The following SCYL2 variants were observed in gnomAD, a reference collection of about 807,000 sequenced individuals.
SCYL2 encodes SCY1-like protein 2.
Under a neutral mutation model 100.4 loss-of-function variants are expected in SCYL2, and 36 were observed. That is an observed-to-expected ratio of 0.36 (90% CI 0.27 to 0.47). The LOEUF is 0.47. Among genes scored for constraint, SCYL2 ranks in the 20% least tolerant of loss-of-function variants. The pLI, the probability that SCYL2 is intolerant of heterozygous loss-of-function variation, is 1.00. For missense variants in SCYL2, 902 were observed against 1,083.9 expected, an observed-to-expected ratio of 0.83 and a Z score of 2.36; for synonymous variants, 330 against 359.2, an observed-to-expected ratio of 0.92 and a Z score of 0.92.
intron 2 of SCYL2, among the ~76,000 whole-genome samples, chr12:100,290,771 CAT>C (rs1487727599): frequency 6.6e-6 from 1 of 152,092 alleles, no homozygotes; most frequent in African/African-American, 2.4e-5. Flanking sequence ...CAAGAACACA[CAT>C]CAGTAATTTA....
intron 7 of SCYL2, among the ~76,000 whole-genome samples, chr12:100,313,965 C>T (rs1036349475): frequency 2.3e-4 from 35 of 151,714 alleles, no homozygotes; most frequent in African/African-American, 8.2e-4. Flanking sequence ...AATGCAACCT[C>T]CACCTCCCAG....
intron 6 of SCYL2, among the ~76,000 whole-genome samples, 177 bp from the exon 7 acceptor site, chr12:100,313,243 AAC>A (rs1202564913): frequency 6.6e-6 from 1 of 152,224 alleles, no homozygotes. Context: ...TAGGAATAGA[AAC>A]AATTTTGGGT....
chr12:100,293,625 C>A (rs828930), intron 3 of SCYL2, among the ~76,000 whole-genome samples: 149,527 of 151,562 alleles, frequency 0.99, 73,768 homozygotes, highest in Middle Eastern at 1. Flanking sequence ...AGGTCAGCAG[C>A]TAAACAAGTG....
At chr12:100,311,995 A>T (rs1407730631) in intron 5 of SCYL2, among the ~76,000 whole-genome samples, 18 of 152,236 alleles carry the variant, frequency 1.2e-4, no homozygotes, top group Admixed American at 1.2e-3. Context: ...ATATATCATG[A>T]GTGGGTCAGA....
At chr12:100,329,850 T>G (rs1208050658) in intron 13 of SCYL2, among the ~76,000 whole-genome samples, 1 of 152,224 alleles carries the variant, frequency 6.6e-6, no homozygotes, top group Non-Finnish European at 1.5e-5. Flanking sequence ...CAGTTGCTTT[T>G]GGGCTGTTGT....
intron 4 of SCYL2, among the ~76,000 whole-genome samples, chr12:100,304,200 G>C (rs1041570998): frequency 2.6e-5 from 4 of 152,140 alleles, no homozygotes; most frequent in African/African-American, 9.7e-5. Context: ...GGCTCCTTGG[G>C]GGTGGGATCT....
intron 11 of SCYL2, 126 bp from the exon 12 acceptor site, chr12:100,326,496 G>A (rs2096361970): frequency 1.6e-6 from 1 of 637,978 alleles, no homozygotes; most frequent in Non-Finnish European, 2.5e-6. Context: ...AAGGATGAGA[G>A]CTTCTAAATC....
At chr12:100,336,559 A>G (rs1952279576) in intron 16 of SCYL2, among the ~76,000 whole-genome samples, 1 of 152,080 alleles carries the variant, frequency 6.6e-6, no homozygotes, top group South Asian at 2.1e-4. Context: ...GTGATGATGT[A>G]CCCTTCTTGG....
At chr12:100,279,108 C>T (rs186181617) in intron 1 of SCYL2, among the ~76,000 whole-genome samples, 2 of 152,036 alleles carry the variant, frequency 1.3e-5, no homozygotes, top group African/African-American at 4.8e-5. Flanking sequence ...AGCAGCAGTC[C>T]CCAACCTTTT....
Position 100,329,153 on chromosome 12 carries a change from G to C in SCYL2, c.1643-48G>C, listed in dbSNP as rs146112117. Reference sequence around the variant, plus strand: ...CATATATTATTTTCATGATTTCTATGAATTTATGGTGTTAACTTATAAAAT... The same window carrying C: ...CATATATTATTTTCATGATTTCTATCAATTTATGGTGTTAACTTATAAAAT... On this transcript the variant is annotated intron_variant, in intron 12 of 17. Transcript: ENST00000360820. 3.9e-4 allele frequency: 344 copies of C among 887,636 alleles called. 3 individuals carry two copies. In the East Asian group the frequency reaches 6.7e-3, roughly 17 times the overall value. The allele number at this position is 887,636 out of a possible 1,614,324, so 55.0% of individuals were successfully genotyped here.
Position 100,337,397 on chromosome 12 carries a change from C to G in SCYL2, c.2036C>G (p.Thr679Arg). ...LQNKHKRASL[T>R]LEEKQKLAKE... Reference sequence around the variant, plus strand: ...TTATTTTGTTTTAAGGCATCACTTACACTTGAAGAAAAACAAAAATTAGCA... The same window carrying G: ...TTATTTTGTTTTAAGGCATCACTTAGACTTGAAGAAAAACAAAAATTAGCA... The change falls in exon 17 of 18, where the codon ACA becomes AGA. Residue 679 changes from threonine to arginine, a missense_variant. Physicochemically the swap from Thr to Arg is moderately conservative, Grantham distance 71. Coordinates refer to ENST00000360820, the MANE Select transcript of SCYL2 (RefSeq NM_017988.6). The G allele has an allele frequency of 6.2e-7, 1 of 1,603,482 alleles. No homozygotes were observed. Among genetic ancestry groups the G allele is most frequent in the African/African-American group, 1.3e-5 (1 of 74,134 alleles).
rs758115601 is a variant in SCYL2, at chr12:100,338,740, G to T, written c.2358G>T (p.Met786Ile). 1 of 1,614,078 alleles carries T rather than the reference G, an allele frequency of 6.2e-7. No homozygotes were observed. Among genetic ancestry groups the T allele is most frequent in the Non-Finnish European group, 8.5e-7 (1 of 1,179,980 alleles). Reference sequence around the variant, plus strand: ...GCTTTCAGACTTCAGGATTCAACATGCCCGTTAATACAAACCAGAACTTCT... The same window carrying T: ...GCTTTCAGACTTCAGGATTCAACATTCCCGTTAATACAAACCAGAACTTCT... ...NMGFQTSGFN[M>I]PVNTNQNFYS... The change falls in exon 18 of 18, where the codon ATG becomes ATT. Residue 786 changes from methionine to isoleucine, a missense_variant. Physicochemically the swap from Met to Ile is conservative, Grantham distance 10. Coordinates refer to ENST00000360820, the MANE Select transcript of SCYL2 (RefSeq NM_017988.6).
chr12:100,303,358 C>T (rs867654566), intron 4 of SCYL2, among the ~76,000 whole-genome samples: 10 of 152,120 alleles, frequency 6.6e-5, no homozygotes, highest in Admixed American at 2.0e-4. Context: ...AGCCTTTTGG[C>T]ACTGTTTTTT....
intron 2 of SCYL2, among the ~76,000 whole-genome samples, chr12:100,283,472 G>A (rs1424538659): frequency 2.0e-5 from 3 of 152,146 alleles, no homozygotes; most frequent in Non-Finnish European, 4.4e-5. Flanking sequence ...GATAGAAATT[G>A]CCGTGTTTCT....
At position 100,298,280 on chromosome 12, in the gene SCYL2, G is replaced by A. The variant is rs2096323356; in HGVS notation, c.480+105G>A. ...TAAAACTATTTTAGGTAAACTTTTG[G>A]TTCTTGTTAGTAATTTAGTCATTAT... On this transcript the variant is annotated intron_variant, in intron 4 of 17. Transcript: ENST00000360820. The A allele has an allele frequency of 5.0e-6, 4 of 796,698 alleles. No individual in the cohort carries two copies. The Admixed American group carries it at 1.1e-4, about 22-fold the overall frequency. The allele number at this position is 796,698 out of a possible 1,614,324, so 49.4% of individuals were successfully genotyped here. A position where few individuals can be genotyped will look rare whatever the true frequency, so the allele number is the denominator to read the frequency against.
chr12:100,298,274 C>T (rs999602845), intron 4 of SCYL2, 99 bp downstream of exon 4: 1 of 876,252 alleles, frequency 1.1e-6, no homozygotes, highest in Non-Finnish European at 1.6e-6. Flanking sequence ...TTTAGGTAAA[C>T]TTTTGGTTCT....
rs1174395568 is a variant in SCYL2, at chr12:100,315,644, A to G, written c.1182A>G (p.Leu394=). 1 of 1,612,514 alleles carries G rather than the reference A, an allele frequency of 6.2e-7. No homozygotes were observed. The highest frequency in any genetic ancestry group is 8.5e-7 in the Non-Finnish European group (1 of 1,179,104). Residue 394 remains leucine (L), a synonymous_variant, in exon 9 of 18, where the codon CTA becomes CTG. Coordinates refer to ENST00000360820, the MANE Select transcript of SCYL2 (RefSeq NM_017988.6). ...TACCTTTTGTTTTGCCCAATGTTCT[A>G]CTTATTGCTGAGGAATGCACCAAAG... ...DMVPFVLPNV[L]LIAEECTKEE...
chr12:100,306,219 A>G (rs2096334180), intron 4 of SCYL2, among the ~76,000 whole-genome samples: 1 of 152,214 alleles, frequency 6.6e-6, no homozygotes, highest in Non-Finnish European at 1.5e-5. Context: ...ATTTCAGGCC[A>G]ATATCCCTGA....
intron 4 of SCYL2, among the ~76,000 whole-genome samples, chr12:100,303,572 G>T (rs959606683): frequency 6.6e-6 from 1 of 152,152 alleles, no homozygotes; most frequent in Non-Finnish European, 1.5e-5. Flanking sequence ...TGTTTGCCTG[G>T]GTATCACCAG....
Sources: gnomAD v4.1 joint callset for allele counts (sites outside exome capture counted in the v4.1 genomes callset) on GRCh38, gnomAD v4.1.1 for gene constraint, MANE v1.5 for transcripts, NCBI Gene and HGNC (gene_info 2026-07-23, HGNC 2026-07-21) for gene names.